Variants in GABRB1 observed in about 807,000 individuals in gnomAD.
The protein encoded by GABRB1 is gamma-aminobutyric acid type A receptor subunit beta1.
A neutral mutation model predicts 51.6 loss-of-function variants in GABRB1; 17 were observed. The ratio of observed to expected loss-of-function variants is 0.33; its 90% CI spans 0.23 to 0.49. The LOEUF is 0.49. Among genes scored for constraint, GABRB1 ranks in the 20% least tolerant of loss-of-function variants. The probability of loss-of-function intolerance (pLI) is 0.99; values close to 1 mark genes in which losing one functional copy is unlikely to be tolerated. For missense variants in GABRB1, 410 were observed against 600.6 expected (o/e 0.68, Z 3.32); for synonymous variants, 247 against 218.9 (o/e 1.13, Z -1.14).
chr4:47,096,366 C>T (rs1335863093), intron 3 of GABRB1, among the ~76,000 whole-genome samples: 2 of 152,120 alleles, frequency 1.3e-5, no homozygotes, highest in Non-Finnish European at 2.9e-5. Flanking sequence ...AAGTGAGATA[C>T]ACCAACTAAG....
chr4:47,270,616 C>T (rs1367008093), intron 4 of GABRB1, among the ~76,000 whole-genome samples: 1 of 152,202 alleles, frequency 6.6e-6, no homozygotes, highest in Non-Finnish European at 1.5e-5. Flanking sequence ...ATCATGCCTT[C>T]TTGTATTTGT....
At chr4:47,122,933 C>T (rs888700496) in intron 3 of GABRB1, among the ~76,000 whole-genome samples, 4 of 152,128 alleles carry the variant, frequency 2.6e-5, no homozygotes. Flanking sequence ...AGAATACTAG[C>T]CCTAACTCAG....
At chr4:47,155,558 C>G (rs111269966) in intron 3 of GABRB1, among the ~76,000 whole-genome samples, 152 of 151,954 alleles carry the variant, frequency 1.0e-3, no homozygotes, top group African/African-American at 3.2e-3. Context: ...CTAACATAGT[C>G]TGAGACGTGC....
chr4:47,350,803 C>A, intron 5 of GABRB1, among the ~76,000 whole-genome samples: 1 of 152,064 alleles, frequency 6.6e-6, no homozygotes. Flanking sequence ...ATCTCATAAC[C>A]TGTGAACTGA....
chr4:47,182,337 C>T (rs1033476370), intron 4 of GABRB1, among the ~76,000 whole-genome samples: 32 of 151,774 alleles, frequency 2.1e-4, no homozygotes, highest in African/African-American at 7.5e-4. Context: ...TGGTTTCACA[C>T]TGCAGAAAAA....
chr4:47,425,900 T>C lies in GABRB1; in HGVS notation c.1307T>C (p.Leu436Pro). The C allele has an allele frequency of 6.2e-7, 1 of 1,614,098 alleles. No individual in the cohort carries two copies. ...KGRIRRRASQ[L>P]KVKIPDLTDV... Reference sequence around the variant, plus strand: ...CGCATCCGCAGGCGTGCCTCCCAGCTCAAAGTCAAGATCCCCGACTTGACT... The same window carrying C: ...CGCATCCGCAGGCGTGCCTCCCAGCCCAAAGTCAAGATCCCCGACTTGACT... Residue 436 changes from leucine (L) to proline (P), a missense_variant, in exon 9 of 9, where the codon CTC becomes CCC. Around this residue, in one of 5 missense-constraint regions of GABRB1, gnomAD observed 181 missense variants for 195.6 expected, o/e 0.93. Coordinates refer to ENST00000295454, the MANE Select transcript of GABRB1 (RefSeq NM_000812.4).
At chr4:47,073,201 G>A (rs906015430) in intron 3 of GABRB1, among the ~76,000 whole-genome samples, 1 of 152,150 alleles carries the variant, frequency 6.6e-6, no homozygotes, top group Non-Finnish European at 1.5e-5. Flanking sequence ...CATCAATGAC[G>A]TTGCTGGAAA....
intron 3 of GABRB1, among the ~76,000 whole-genome samples, chr4:47,101,435 T>A (rs1400694060): frequency 6.6e-6 from 1 of 152,044 alleles, no homozygotes; most frequent in Non-Finnish European, 1.5e-5. Flanking sequence ...GAAGTTGACA[T>A]TAATTTATTC....
At chr4:47,061,603 T>C (rs1029585764) in intron 3 of GABRB1, among the ~76,000 whole-genome samples, 4 of 152,186 alleles carry the variant, frequency 2.6e-5, no homozygotes, top group African/African-American at 9.6e-5. Context: ...AGGAATAAAC[T>C]AAACTAAAAG....
intron 8 of GABRB1, among the ~76,000 whole-genome samples, chr4:47,409,043 C>G (rs56695497): frequency 6.6e-6 from 1 of 152,230 alleles, no homozygotes; most frequent in East Asian, 1.9e-4. Flanking sequence ...TTCCCTGATA[C>G]GCTCATCTGT....
At chr4:47,251,893 A>G (rs770299199) in intron 4 of GABRB1, among the ~76,000 whole-genome samples, 21 of 152,054 alleles carry the variant, frequency 1.4e-4, no homozygotes, top group Non-Finnish European at 2.8e-4. Context: ...CAGACTTGAG[A>G]ACTTGCCCCA....
At chr4:47,346,680 G>A (rs1177462155) in intron 5 of GABRB1, among the ~76,000 whole-genome samples, 1 of 152,200 alleles carries the variant, frequency 6.6e-6, no homozygotes, top group Non-Finnish European at 1.5e-5. Context: ...GTCCCTACAG[G>A]AATTTAGAAT....
intron 1 of GABRB1, among the ~76,000 whole-genome samples, chr4:47,001,181 C>T (rs933311822): frequency 1.2e-4 from 18 of 152,176 alleles, no homozygotes; most frequent in South Asian, 2.1e-4. Context: ...CTCGCTCTGT[C>T]GCCCAGGCTG....
At chr4:47,095,437 G>T (rs547478568) in intron 3 of GABRB1, among the ~76,000 whole-genome samples, 2 of 152,274 alleles carry the variant, frequency 1.3e-5, no homozygotes, top group South Asian at 4.1e-4. Context: ...TAATGGCTAC[G>T]TCTGCGAAGC....
At chr4:47,160,991 T>A (rs907050816) in intron 3 of GABRB1, among the ~76,000 whole-genome samples, 1 of 151,762 alleles carries the variant, frequency 6.6e-6, no homozygotes, top group Non-Finnish European at 1.5e-5. Context: ...TGAGGTCTCA[T>A]AACGTTCCGT....
intron 3 of GABRB1, among the ~76,000 whole-genome samples, chr4:47,073,590 G>A (rs1032227355): frequency 6.6e-6 from 1 of 152,118 alleles, no homozygotes; most frequent in Non-Finnish European, 1.5e-5. Context: ...GGAAAAGTTG[G>A]AAATATTGGC....
intron 4 of GABRB1, among the ~76,000 whole-genome samples, chr4:47,225,274 C>T (rs745375943): frequency 1.8e-4 from 27 of 152,080 alleles, no homozygotes; most frequent in East Asian, 5.8e-4. Flanking sequence ...GTCCATGCCG[C>T]GGAATTATAG....
chr4:47,045,650 G>C (rs1296930996), intron 3 of GABRB1, among the ~76,000 whole-genome samples: 1 of 151,916 alleles, frequency 6.6e-6, no homozygotes, highest in African/African-American at 2.4e-5. Context: ...GCCTTCACAT[G>C]GTGTGCTTAC....
At chr4:47,130,746 C>T (rs1716377012) in intron 3 of GABRB1, among the ~76,000 whole-genome samples, 1 of 152,124 alleles carries the variant, frequency 6.6e-6, no homozygotes, top group South Asian at 2.1e-4. Flanking sequence ...GATCTCATAA[C>T]CTCCAAGCAC....
Sources: allele counts gnomAD v4.1 joint callset (sites outside exome capture counted in the v4.1 genomes callset), GRCh38; gene constraint gnomAD v4.1.1; regional missense constraint gnomAD v4.1.1; transcripts MANE v1.5; gene names NCBI Gene and HGNC (gene_info 2026-07-23, HGNC 2026-07-21).